ARAP3: variants seen among roughly 807,000 people sequenced by gnomAD.
ARAP3 encodes arf-GAP with Rho-GAP domain, ANK repeat and PH domain-containing protein 3.
A neutral mutation model predicts 169.2 loss-of-function variants in ARAP3; 82 were observed. The observed-to-expected ratio is 0.48, with a 90% CI of 0.41 to 0.58. The LOEUF is 0.58. ARAP3 is among the 20% of genes least tolerant of loss of function. The probability of loss-of-function intolerance (pLI) is 0.00; values close to 1 mark genes in which losing one functional copy is unlikely to be tolerated. For synonymous variants in ARAP3, 791 were observed against 800.3 expected, an observed-to-expected ratio of 0.99 and a Z score of 0.20; for missense variants, 1,764 against 2,018.0, an observed-to-expected ratio of 0.87 and a Z score of 2.41.
At chr5:141,659,591 A>G in intron 22 of ARAP3, 115 bp from the exon 23 acceptor site, 1 of 1,357,628 alleles carries the variant, frequency 7.4e-7, no homozygotes, top group South Asian at 1.2e-5. Context: ...CTAAGAACCA[A>G]GGGGGTGAGG....
Position 141,664,957 on chromosome 5 carries a change from A to T in ARAP3, c.2765T>A (p.Ile922Asn). Residue 922 changes from isoleucine to asparagine, a missense_variant, in exon 19 of 33, where the codon ATC becomes AAC. Physicochemically the swap from Ile to Asn is moderately radical, Grantham distance 149. This residue lies in a region of ARAP3 where 1,112 missense variants were observed against 1,285.7 expected (regional missense o/e 0.86). Coordinates refer to ENST00000239440, the MANE Select transcript of ARAP3 (RefSeq NM_022481.6). ...QQMSRGDIPI[I>N]VDACISFVTQ... ...AACAAAACTGATGCAGGCATCCACG[A>T]TGATGGGGATGTCACCCCGGCTCAT... 4.4e-6 allele frequency: 7 copies of T among 1,607,742 alleles called. No individual in the cohort carries two copies. The highest frequency in any genetic ancestry group is 5.9e-6 in the Non-Finnish European group (7 of 1,178,352).
Position 141,672,503 on chromosome 5 carries a change from C to G in ARAP3, c.1385+49G>C, listed in dbSNP as rs748096077. On this transcript the variant is annotated intron_variant, in intron 9 of 32. Transcript: ENST00000239440. This position sits in a 1 kb window ranked among gnomAD's most constrained non-coding sequence, Gnocchi z 4.9. Reference sequence around the variant, plus strand: ...GCCTCTAGTCCTCTGCACCCTTGTGCCTCCCGCAAAAGTCCCCCAGCCTTG... The same window carrying G: ...GCCTCTAGTCCTCTGCACCCTTGTGGCTCCCGCAAAAGTCCCCCAGCCTTG... 6.3e-7 allele frequency: 1 copy of G among 1,599,146 alleles called. No individual in the cohort carries two copies. The highest frequency in any genetic ancestry group is 8.5e-7 in the Non-Finnish European group (1 of 1,171,236).
chr5:141,670,526 C>T lies in ARAP3; in HGVS notation c.2093G>A (p.Arg698His), dbSNP rs573881139. Residue 698 changes from arginine to histidine, a missense_variant, in exon 14 of 33, where the codon CGC becomes CAC. Physicochemically the swap from Arg to His is conservative, Grantham distance 29 (BLOSUM62 0). This residue lies in a region of ARAP3 where 1,112 missense variants were observed against 1,285.7 expected (regional missense o/e 0.86). Transcript: ENST00000239440. ...CTCCCCCTCACCATCCCGGCCCCTG[C>T]GAGGGGGTGAGGGTCCAGCTTTGTT... ...VSNKAGPSPPRRGRDAPPRLW... is the reference protein window; with the variant it reads ...VSNKAGPSPPHRGRDAPPRLW... The T allele has an allele frequency of 2.4e-4, 392 of 1,613,938 alleles. 3 individuals carry two copies. The South Asian group carries it at 4.0e-3, about 16-fold the overall frequency.
Position 141,661,733 on chromosome 5 carries a change from G to T in ARAP3, c.3070C>A (p.Pro1024Thr), listed in dbSNP as rs1475524645. The change falls in exon 21 of 33, where the codon CCG becomes ACG. Residue 1024 changes from proline (P) to threonine (T), a missense_variant. By Grantham distance (38) the Pro-to-Thr change is conservative. Transcript: ENST00000239440. ...EKYKDVIGCL[P>T]RVNRRTLATL... ...GCCAGTGTGCGGCGGTTGACCCGCG[G>T]CAGGCAGCCAATCACATCTTTATAT... 1 of 1,614,262 alleles carries T rather than the reference G, an allele frequency of 6.2e-7. No homozygotes were observed. The highest frequency in any genetic ancestry group is 1.1e-5 in the South Asian group (1 of 91,090).
Position 141,671,518 on chromosome 5 carries a change from G to C in ARAP3, c.1854+52C>G. ...CAAGTCTAGGCATTCCAACTCCAGAGAGTGTTTCCTGACCCCCCCACCCCA... is the reference window on the plus strand; with the variant it reads ...CAAGTCTAGGCATTCCAACTCCAGACAGTGTTTCCTGACCCCCCCACCCCA... On this transcript the variant is annotated intron_variant, in intron 12 of 32. Coordinates refer to ENST00000239440, the MANE Select transcript of ARAP3 (RefSeq NM_022481.6). The surrounding 1 kb of genome is among the most constrained non-coding windows in gnomAD (Gnocchi z 4.9). 1.2e-6 allele frequency: 2 copies of C among 1,610,694 alleles called. No individual in the cohort carries two copies. Among genetic ancestry groups the C allele is most frequent in the Non-Finnish European group, 8.5e-7 (1 of 1,178,668 alleles).
At chr5:141,658,231 C>T (rs910209694) in intron 25 of ARAP3, 134 bp downstream of exon 25, 17 of 847,834 alleles carry the variant, frequency 2.0e-5, no homozygotes, top group African/African-American at 1.5e-4. Context: ...AATGTCCCCT[C>T]GCATGGATGA....
At position 141,669,690 on chromosome 5, in the gene ARAP3, G is replaced by A. The variant is rs1317893396; in HGVS notation, c.2352+19C>T. Reference sequence around the variant, plus strand: ...CAAGGAAAGCATGAGATGCTGCAGAGGGCGCTCTCCTGTCTCACCTTGCCC... The same window carrying A: ...CAAGGAAAGCATGAGATGCTGCAGAAGGCGCTCTCCTGTCTCACCTTGCCC... On this transcript the variant is annotated intron_variant, in intron 16 of 32. Coordinates refer to ENST00000239440, the MANE Select transcript of ARAP3 (RefSeq NM_022481.6). 2 of 1,610,094 alleles carry A rather than the reference G, an allele frequency of 1.2e-6. No individual in the cohort carries two copies. The highest frequency in any genetic ancestry group is 1.7e-6 in the Non-Finnish European group (2 of 1,176,662).
rs746246816 is a variant in ARAP3 at position 141,658,611 on chromosome 5, G to T, written c.3379C>A (p.Gln1127Lys). Residue 1127 changes from glutamine to lysine, a missense_variant, in exon 24 of 33, where the codon CAG becomes AAG. Transcript: ENST00000239440. Reference sequence around the variant, plus strand: ...GTGACACAGTTGTCTGGGAGCTGCTGCTCTATATAAACTTCCATGATGAGG... The same window carrying T: ...GTGACACAGTTGTCTGGGAGCTGCTTCTCTATATAAACTTCCATGATGAGG... ...GDLIMEVYIE[Q>K]QLPDNCVTLK... The T allele has an allele frequency of 6.2e-7, 1 of 1,611,102 alleles. No individual in the cohort carries two copies. Among genetic ancestry groups the T allele is most frequent in the South Asian group, 1.1e-5 (1 of 90,580 alleles).
chr5:141,674,605 G>A (rs2099911900), intron 4 of ARAP3, among the ~76,000 whole-genome samples: 1 of 152,158 alleles, frequency 6.6e-6, no homozygotes, highest in Non-Finnish European at 1.5e-5. Flanking sequence ...GAACCCTTAA[G>A]ATTGGCATGG....
chr5:141,670,506 C>T lies in ARAP3; in HGVS notation c.2107+6G>A, dbSNP rs2099911269. ...TGTATCCTCCCATCCCTTGGCTCCC[C>T]CTCACCATCCCGGCCCCTGCGAGGG... On this transcript the variant is annotated splice_donor_region_variant and intron_variant, in intron 14 of 32. Transcript: ENST00000239440. The T allele has an allele frequency of 6.2e-7, 1 of 1,613,092 alleles. No homozygotes were observed. The highest frequency in any genetic ancestry group is 1.3e-5 in the African/African-American group (1 of 74,902).
Position 141,655,343 on chromosome 5 carries a change from G to C in ARAP3, c.4149+19C>G. 1 of 1,571,218 alleles carries C rather than the reference G, an allele frequency of 6.4e-7. No homozygotes were observed. On this transcript the variant is annotated intron_variant, in intron 32 of 32. Coordinates refer to ENST00000239440, the MANE Select transcript of ARAP3 (RefSeq NM_022481.6). The stretch of plus-strand genomic sequence containing the variant: ...TACAGGGTTGACAGGCACACCGCTG[G>C]AGCAGGCACAATACTCACAAAGAAC...
At chr5:141,665,261 G>A in intron 18 of ARAP3, 50 bp downstream of exon 18, 4 of 1,603,956 alleles carry the variant, frequency 2.5e-6, no homozygotes, top group Non-Finnish European at 3.4e-6. Context: ...GCAGAGTATG[G>A]GCTCTGCTCC....
intron 21 of ARAP3, among the ~76,000 whole-genome samples, chr5:141,660,906 A>T (rs962914999): frequency 1.3e-5 from 2 of 152,162 alleles, no homozygotes; most frequent in Non-Finnish European, 2.9e-5. Context: ...TGTTTCTTAT[A>T]TCTAACCCTT....
rs751009110 is a variant in ARAP3, at chr5:141,671,985, G to A, written c.1586-5C>T. On this transcript the variant is annotated splice_region_variant and splice_polypyrimidine_tract_variant and intron_variant, in intron 10 of 32. Coordinates refer to ENST00000239440, the MANE Select transcript of ARAP3 (RefSeq NM_022481.6). This position sits in a 1 kb window ranked among gnomAD's most constrained non-coding sequence, Gnocchi z 4.9. The stretch of plus-strand genomic sequence containing the variant: ...AACCCAGGGCCCGGTGCTGACCTGT[G>A]AGGGTGTGAGGGTGTGTGAGGGTGT... 5.6e-5 allele frequency: 91 copies of A among 1,613,896 alleles called. No individual in the cohort carries two copies. The highest frequency in any genetic ancestry group is 7.7e-5 in the Non-Finnish European group (91 of 1,179,974).
chr5:141,654,655 G>C (rs1338380958), intron 32 of ARAP3, among the ~76,000 whole-genome samples: 3 of 152,108 alleles, frequency 2.0e-5, no homozygotes, highest in Admixed American at 1.3e-4. Context: ...GGTAGAGCTG[G>C]GGTTTGAACC....
intron 4 of ARAP3, among the ~76,000 whole-genome samples, chr5:141,677,780 T>TTTTTTG (rs368222991): frequency 0.028 from 4,076 of 143,740 alleles, 73 homozygotes; most frequent in South Asian, 0.092. Flanking sequence ...TGTTTTTGTT[T>TTTTTTG]TTTTTGTTTT....
chr5:141,658,869 GA>G (rs2099909566), intron 23 of ARAP3, among the ~76,000 whole-genome samples: 1 of 152,130 alleles, frequency 6.6e-6, no homozygotes, highest in Non-Finnish European at 1.5e-5. Flanking sequence ...TAGTGGTTGG[GA>G]GGACAGATGT....
intron 17 of ARAP3, among the ~76,000 whole-genome samples, chr5:141,665,681 T>C (rs1315459428): frequency 6.6e-6 from 1 of 152,078 alleles, no homozygotes; most frequent in Non-Finnish European, 1.5e-5. Flanking sequence ...AGGAAAGCAG[T>C]GAGGGCACCC....
chr5:141,655,260 C>CACACACACACACACACA (rs1562401159), intron 32 of ARAP3, 102 bp downstream of exon 32: 2 of 834,380 alleles, frequency 2.4e-6, no homozygotes, highest in African/African-American at 5.9e-5. Context: ...ACACACACAC[C>CACACACACACACACACA]CCCTGATGGC....
Sources: allele counts gnomAD v4.1 joint callset (sites outside exome capture counted in the v4.1 genomes callset), GRCh38; gene constraint gnomAD v4.1.1; regional missense constraint gnomAD v4.1.1; non-coding constraint Gnocchi (gnomAD v3.1); transcripts MANE v1.5; gene names NCBI Gene and HGNC (gene_info 2026-07-23, HGNC 2026-07-21).